LRCH1: variants seen among roughly 807,000 people sequenced by gnomAD.
The protein encoded by LRCH1 is leucine-rich repeat and calponin homology domain-containing protein 1.
In LRCH1, 23 loss-of-function variants were observed where a neutral mutation model predicts 94.9. The ratio of observed to expected loss-of-function variants is 0.24; its 90% CI spans 0.17 to 0.34. The LOEUF is 0.34. Ranked by LOEUF, LRCH1 falls within the 10% of genes least tolerant of loss-of-function variation. The pLI is 1.00. For missense variants in LRCH1, 790 were observed against 945.9 expected, an observed-to-expected ratio of 0.84 and a Z score of 2.16; for synonymous variants, 364 against 354.9, an observed-to-expected ratio of 1.03 and a Z score of -0.29.
chr13:46,623,693 G>GTTTTTTTTTTTTTTTTTT (rs5803361), intron 1 of LRCH1, among the ~76,000 whole-genome samples: 65 of 128,432 alleles, frequency 5.1e-4, no homozygotes, highest in East Asian at 9.0e-4. Context: ...CCCTGTCTCT[G>GTTTTTTTTTTTTTTTTTT]TTTTTTTTTT....
At chr13:46,715,699 A>C (rs978781610) in intron 16 of LRCH1, 35 bp downstream of exon 16, 9 of 1,295,238 alleles carry the variant, frequency 6.9e-6, no homozygotes, top group East Asian at 2.5e-5. Flanking sequence ...CAATGTTCTC[A>C]TTAATAAGCC....
intron 13 of LRCH1, 38 bp from the exon 14 acceptor site, chr13:46,711,753 C>T (rs376994142): frequency 1.4e-5 from 22 of 1,554,108 alleles, no homozygotes; most frequent in Admixed American, 3.4e-5. Context: ...GTTTCACAGT[C>T]TAATGGAACA....
chr13:46,697,877 A>G (rs1157872693), intron 9 of LRCH1, among the ~76,000 whole-genome samples: 2 of 29,150 alleles, frequency 6.9e-5, no homozygotes, highest in Non-Finnish European at 2.0e-4. Flanking sequence ...TTGCCTAATG[A>G]AAAAAAGAGA....
intron 1 of LRCH1, among the ~76,000 whole-genome samples, chr13:46,620,284 G>C (rs930513364): frequency 6.6e-6 from 1 of 151,746 alleles, no homozygotes; most frequent in Admixed American, 6.6e-5. Flanking sequence ...AGGATCACTC[G>C]AGCCGAGGAG....
intron 1 of LRCH1, among the ~76,000 whole-genome samples, chr13:46,648,927 C>T (rs1286863500): frequency 6.6e-6 from 1 of 151,956 alleles, no homozygotes; most frequent in Non-Finnish European, 1.5e-5. Flanking sequence ...TCACTTTGGT[C>T]TATTTATAAG....
At chr13:46,691,722 G>T (rs1358472474) in intron 7 of LRCH1, among the ~76,000 whole-genome samples, 1 of 152,140 alleles carries the variant, frequency 6.6e-6, no homozygotes, top group East Asian at 1.9e-4. Context: ...ACGGAGTCTT[G>T]TTCTCTTGCC....
chr13:46,717,158 C>T (rs1344646447), intron 16 of LRCH1, among the ~76,000 whole-genome samples: 1 of 151,940 alleles, frequency 6.6e-6, no homozygotes, highest in Non-Finnish European at 1.5e-5. Flanking sequence ...AGGTGAGCTG[C>T]CTGGGTCACA....
intron 3 of LRCH1, among the ~76,000 whole-genome samples, chr13:46,677,866 A>G (rs1049464253): frequency 6.6e-6 from 1 of 152,216 alleles, no homozygotes; most frequent in Non-Finnish European, 1.5e-5. Flanking sequence ...TTCAGTAAAT[A>G]TTTATAACAT....
chr13:46,750,857 G>A (rs1370421246), exon 19 of LRCH1: 2 of 419,954 alleles, frequency 4.8e-6, no homozygotes, highest in African/African-American at 2.0e-5. Context: ...TATTTATCTT[G>A]AAACCAGAGA....
In LRCH1 at chr13:46,743,800, A is replaced by G; in HGVS notation, c.*1952A>G. The G allele has an allele frequency of 1.0e-6, 1 of 984,238 alleles. No individual in the cohort carries two copies. Among genetic ancestry groups the G allele is most frequent in the African/African-American group, 1.7e-5 (1 of 57,338 alleles). 61.0% of individuals were successfully genotyped at this position (984,238 alleles called of 1,614,324 possible). A position where few individuals can be genotyped will look rare whatever the true frequency, so the allele number is the denominator to read the frequency against. Reference sequence around the variant, plus strand: ...AATATCAATAAAAACTGAGTAGGACACTCATGTAAGAGTAGATTTAATTTT... The same window carrying G: ...AATATCAATAAAAACTGAGTAGGACGCTCATGTAAGAGTAGATTTAATTTT... On this transcript the variant is annotated 3_prime_UTR_variant, in exon 20 of 20. Transcript: ENST00000389797.
rs185310989 is a variant in LRCH1, at chr13:46,684,800, G to A, written c.686-1105G>A. On this transcript the variant is annotated intron_variant, in intron 4 of 19. Transcript: ENST00000389797. ...GGTTGAGCAATGAACTAACTACTCA[G>A]GGCAATTTAAAAAACACAGTCCCTT... Among the ~76,000 whole-genome samples the A allele has an allele frequency of 3.2e-4, 48 of 152,208 alleles. No homozygotes were observed. The East Asian group carries it at 8.3e-3, about 26-fold the overall frequency.
At chr13:46,620,885 T>A (rs920665126) in intron 1 of LRCH1, among the ~76,000 whole-genome samples, 32 of 152,238 alleles carry the variant, frequency 2.1e-4, no homozygotes, top group Non-Finnish European at 4.1e-4. Context: ...GACATATCAT[T>A]ACCTTTCTTG....
chr13:46,681,709 G>A (rs2051752901), intron 3 of LRCH1, 32 bp from the exon 4 acceptor site: 1 of 1,430,758 alleles, frequency 7.0e-7, no homozygotes, highest in African/African-American at 1.4e-5. Flanking sequence ...GGAAAAAGAT[G>A]TTTATTATTT....
intron 1 of LRCH1, among the ~76,000 whole-genome samples, chr13:46,555,181 A>G (rs541523244): frequency 1.3e-5 from 2 of 152,326 alleles, no homozygotes; most frequent in African/African-American, 4.8e-5. Context: ...GTCTTTCAAT[A>G]AGACCTCTTA....
chr13:46,604,385 C>G (rs888834841), intron 1 of LRCH1, among the ~76,000 whole-genome samples: 2 of 152,108 alleles, frequency 1.3e-5, no homozygotes, highest in African/African-American at 4.8e-5. Flanking sequence ...CTCCCTGGGT[C>G]TGGGGCCTGT....
chr13:46,691,398 A>G (rs1037133528), intron 7 of LRCH1, among the ~76,000 whole-genome samples: 2 of 152,242 alleles, frequency 1.3e-5, no homozygotes, highest in African/African-American at 2.4e-5. Flanking sequence ...GTTGTTTAGC[A>G]TTTTTATATA....
At position 46,553,357 on chromosome 13, in the gene LRCH1, C is replaced by G. The variant is rs755268686; in HGVS notation, c.-40C>G. 7.1e-5 allele frequency: 106 copies of G among 1,494,562 alleles called. No homozygotes were observed. The highest frequency in any genetic ancestry group is 1.8e-4 in the Middle Eastern group (1 of 5,664). 92.6% of individuals were successfully genotyped at this position (1,494,562 alleles called of 1,614,324 possible). On this transcript the variant is annotated 5_prime_UTR_variant, in exon 1 of 20. Transcript: ENST00000389797. ...CTCGCGGGGAACGCTGTGACCCCCC[C>G]GCAGGAGCGGCGGGGCGGGGTGGGG...
chr13:46,686,375 C>A (rs1870616316), intron 5 of LRCH1, among the ~76,000 whole-genome samples: 1 of 152,156 alleles, frequency 6.6e-6, no homozygotes, highest in Non-Finnish European at 1.5e-5. Context: ...TCTTCTTGGG[C>A]TCTCTGAGGA....
At chr13:46,740,102 T>TC (rs1873576478) in intron 19 of LRCH1, among the ~76,000 whole-genome samples, 2 of 152,258 alleles carry the variant, frequency 1.3e-5, no homozygotes, top group Non-Finnish European at 2.9e-5. Context: ...CGGATTTCCC[T>TC]GGTCAAGCAC....
Sources: gnomAD v4.1 joint callset for allele counts (sites outside exome capture counted in the v4.1 genomes callset) on GRCh38, gnomAD v4.1.1 for gene constraint, MANE v1.5 for transcripts, NCBI Gene and HGNC (gene_info 2026-07-23, HGNC 2026-07-21) for gene names.